SULT1E1: variants seen among roughly 807,000 people sequenced by gnomAD.
The protein encoded by SULT1E1 is sulfotransferase family 1E member 1, also known as sulfotransferase 1E1.
Under a neutral mutation model 33.6 loss-of-function variants are expected in SULT1E1, and 36 were observed. That is an observed-to-expected ratio of 1.07 (90% CI 0.82 to 1.41). The LOEUF (loss-of-function observed/expected upper bound fraction) is 1.41. Ranked by LOEUF, SULT1E1 falls within the 40% of genes most tolerant of loss-of-function variation. The pLI, the probability that SULT1E1 is intolerant of heterozygous loss-of-function variation, is 0.00. For missense variants in SULT1E1, 371 were observed against 345.7 expected (o/e 1.07, Z -0.58); for synonymous variants, 121 against 111.7 (o/e 1.08, Z -0.53).
At chr4:69,821,325 T>G in the SULT1E1 span, among the ~76,000 whole-genome samples, 785 of 152,324 alleles carry the variant, frequency 5.2e-3, 3 homozygotes, top group Non-Finnish European at 9.6e-3. Context: ...ACAGTTTGTT[T>G]AATAGTCTGT....
chr4:69,827,891 T>A, the SULT1E1 span, among the ~76,000 whole-genome samples: 1 of 152,186 alleles, frequency 6.6e-6, no homozygotes, highest in Non-Finnish European at 1.5e-5. Context: ...TAAAAAAGAT[T>A]GTCCAATGAG....
chr4:69,842,425 T>C (rs1720901259), intron 7 of SULT1E1, among the ~76,000 whole-genome samples: 1 of 152,202 alleles, frequency 6.6e-6, no homozygotes, highest in Non-Finnish European at 1.5e-5. Context: ...TCTCAAGGTG[T>C]TAAATATCAT....
downstream of SULT1E1, chr4:69,841,184 C>T (rs1720878831): frequency 6.6e-6 from 1 of 152,032 alleles, no homozygotes; most frequent in Admixed American, 6.5e-5. Flanking sequence ...TACTAATGTC[C>T]TACTAAATGG....
chr4:69,822,426 G>A, the SULT1E1 span, among the ~76,000 whole-genome samples: 88 of 152,262 alleles, frequency 5.8e-4, no homozygotes, highest in African/African-American at 2.0e-3. Flanking sequence ...GGGCAGCATA[G>A]CAAGACCCCA....
the SULT1E1 span, among the ~76,000 whole-genome samples, chr4:69,832,589 G>A: frequency 6.6e-6 from 1 of 152,108 alleles, no homozygotes; most frequent in South Asian, 2.1e-4. Context: ...ATATAACTCA[G>A]GTTTAGTATA....
chr4:69,834,256 C>A, the SULT1E1 span, among the ~76,000 whole-genome samples: 2 of 152,166 alleles, frequency 1.3e-5, no homozygotes, highest in Non-Finnish European at 2.9e-5. Flanking sequence ...CCTTAGATAT[C>A]TCATAACATT....
At chr4:69,854,374 T>A in intron 3 of SULT1E1, 60 bp from the exon 4 acceptor site, 1 of 1,016,440 alleles carries the variant, frequency 9.8e-7, no homozygotes, top group Non-Finnish European at 1.5e-6. Flanking sequence ...TTATGTGGAT[T>A]TATATAGATA....
chr4:69,844,180 C>T lies in SULT1E1; in HGVS notation c.753G>A (p.Leu251=), dbSNP rs780217305. 1.5e-5 allele frequency: 24 copies of T among 1,613,760 alleles called. No individual in the cohort carries two copies. The highest frequency in any genetic ancestry group is 5.0e-5 in the Admixed American group (3 of 59,972). ...TLPDEIMNQK[L]SPFMRKGITG... Reference sequence around the variant, plus strand: ...TCTCACCCTTTCTCATGAAGGGCGACAATTTCTGGTTCATAATTTCGTCTG... The same window carrying T: ...TCTCACCCTTTCTCATGAAGGGCGATAATTTCTGGTTCATAATTTCGTCTG... The change falls in exon 7 of 8, where the codon TTG becomes TTA. Residue 251 remains leucine, a synonymous_variant. Coordinates refer to ENST00000226444, the MANE Select transcript of SULT1E1 (RefSeq NM_005420.3).
intron 6 of SULT1E1, among the ~76,000 whole-genome samples, chr4:69,846,042 A>T (rs1310075357): frequency 6.6e-6 from 1 of 150,976 alleles, no homozygotes; most frequent in African/African-American, 2.4e-5. Context: ...TGAATAAGAC[A>T]TGGATATCAA....
In SULT1E1 at chr4:69,842,078, A is replaced by C. The variant is rs756055656; in HGVS notation, c.801T>G (p.Phe267Leu). ...KGITGDWKNHFTVALNEKFDK... is the reference protein window; with the variant it reads ...KGITGDWKNHLTVALNEKFDK... The stretch of plus-strand genomic sequence containing the variant: ...CAAATTTTTCATTCAGGGCTACTGT[A>C]AAGTGATTTTTCCAGTCTCCTGTAA... Residue 267 changes from phenylalanine (F) to leucine (L), a missense_variant, in exon 8 of 8, where the codon TTT becomes TTG. Transcript: ENST00000226444. 6.8e-6 allele frequency: 11 copies of C among 1,609,540 alleles called. No individual in the cohort carries two copies. The African/African-American group carries it at 1.3e-4, about 20-fold the overall frequency.
chr4:69,831,654 C>T, the SULT1E1 span, among the ~76,000 whole-genome samples: 2 of 152,190 alleles, frequency 1.3e-5, no homozygotes. Flanking sequence ...ACTGTCCCCA[C>T]ATTTCCTCCC....
At chr4:69,859,231 G>A (rs11573742) in intron 1 of SULT1E1, among the ~76,000 whole-genome samples, 3,336 of 151,776 alleles carry the variant, frequency 0.022, 56 homozygotes, top group Middle Eastern at 0.041. Flanking sequence ...TTTCCTTCCC[G>A]CTCTCCTTCC....
the SULT1E1 span, among the ~76,000 whole-genome samples, chr4:69,827,843 G>A: frequency 5.3e-5 from 8 of 152,170 alleles, no homozygotes; most frequent in South Asian, 8.3e-4. Flanking sequence ...CCAATTACCC[G>A]TGAGGGCTTG....
intron 2 of SULT1E1, 63 bp from the exon 3 acceptor site, chr4:69,855,489 G>T: frequency 6.7e-7 from 1 of 1,500,256 alleles, no homozygotes. Flanking sequence ...CATTAGTGCT[G>T]CATTTATGGA....
the SULT1E1 span, among the ~76,000 whole-genome samples, chr4:69,830,103 C>A: frequency 6.6e-6 from 1 of 152,186 alleles, no homozygotes; most frequent in African/African-American, 2.4e-5. Flanking sequence ...GTCCATTGAT[C>A]TCTTTCTAGT....
At chr4:69,842,830 CT>C (rs902824927) in intron 7 of SULT1E1, among the ~76,000 whole-genome samples, 70 of 144,442 alleles carry the variant, frequency 4.8e-4, no homozygotes, top group South Asian at 1.1e-3. Flanking sequence ...AGGAATTCAT[CT>C]TTTTTTTTTT....
At chr4:69,848,087 G>GGTGT (rs3077575) in intron 5 of SULT1E1, among the ~76,000 whole-genome samples, 98 of 148,380 alleles carry the variant, frequency 6.6e-4, no homozygotes, top group African/African-American at 2.3e-3. Flanking sequence ...TGTTGAAACT[G>GGTGT]GTGTGTGTGT....
At chr4:69,821,148 G>A in the SULT1E1 span, among the ~76,000 whole-genome samples, 1 of 152,122 alleles carries the variant, frequency 6.6e-6, no homozygotes, top group African/African-American at 2.4e-5. Context: ...TTTATTGCTA[G>A]AAAATTCCAA....
At chr4:69,824,683 C>T in the SULT1E1 span, among the ~76,000 whole-genome samples, 1 of 152,196 alleles carries the variant, frequency 6.6e-6, no homozygotes, top group South Asian at 2.1e-4. Context: ...ATTGTAAATG[C>T]ACCAATCAGC....
Sources: gnomAD v4.1 joint callset for allele counts (sites outside exome capture counted in the v4.1 genomes callset) on GRCh38, gnomAD v4.1.1 for gene constraint, MANE v1.5 for transcripts, NCBI Gene and HGNC (gene_info 2026-07-23, HGNC 2026-07-21) for gene names.